The following SGCD variants were observed in gnomAD, a reference collection of about 807,000 sequenced individuals.
SGCD encodes sarcoglycan delta.
In SGCD, 18 loss-of-function variants were observed where a neutral mutation model predicts 36.6. The observed-to-expected ratio is 0.49, with a 90% CI of 0.34 to 0.73. The LOEUF is 0.73. Among genes scored for constraint, SGCD ranks in the 30% least tolerant of loss-of-function variants. The pLI, the probability that SGCD is intolerant of heterozygous loss-of-function variation, is 0.01. For synonymous variants in SGCD, 133 were observed against 130.6 expected (o/e 1.02, Z -0.12); for missense variants, 387 against 346.7 (o/e 1.12, Z -0.92).
At chr5:156,381,440 A>C (rs1770970011) in intron 3 of SGCD, among the ~76,000 whole-genome samples, 1 of 152,096 alleles carries the variant, frequency 6.6e-6, no homozygotes, top group Admixed American at 6.5e-5. Context: ...CTCGAGCTCT[A>C]CCCTGGGGAT....
chr5:155,770,254 A>G, the SGCD span, among the ~76,000 whole-genome samples: 1 of 152,048 alleles, frequency 6.6e-6, no homozygotes, highest in African/African-American at 2.4e-5. Flanking sequence ...GGAGAATAAT[A>G]GCAATGATAG....
intron 3 of SGCD, among the ~76,000 whole-genome samples, chr5:156,187,170 C>A (rs560446275): frequency 8.8e-4 from 134 of 152,088 alleles, no homozygotes; most frequent in African/African-American, 3.1e-3. Context: ...TAATCATAAA[C>A]CAAGTTAAAT....
intron 1 of SGCD, among the ~76,000 whole-genome samples, chr5:156,084,527 G>T (rs1761048233): frequency 6.6e-6 from 1 of 152,096 alleles, no homozygotes; most frequent in African/African-American, 2.4e-5. Context: ...AGTGTGGGGT[G>T]GCCTTAGAAA....
At chr5:156,533,026 C>G (rs558799874) in intron 4 of SGCD, among the ~76,000 whole-genome samples, 1 of 152,168 alleles carries the variant, frequency 6.6e-6, no homozygotes, top group African/African-American at 2.4e-5. Flanking sequence ...GAAATGCCAT[C>G]TTATCTTGGA....
At chr5:156,520,014 A>G (rs1413079766) in intron 4 of SGCD, among the ~76,000 whole-genome samples, 3 of 152,184 alleles carry the variant, frequency 2.0e-5, no homozygotes, top group African/African-American at 4.8e-5. Context: ...AGTTCTGGCC[A>G]GGGCAGTCCA....
intron 1 of SGCD, among the ~76,000 whole-genome samples, chr5:155,934,011 A>T (rs1274711110): frequency 1.3e-5 from 2 of 152,238 alleles, no homozygotes; most frequent in Non-Finnish European, 2.9e-5. Flanking sequence ...ATGTGGGAGC[A>T]TCATCTCCTA....
At chr5:155,956,829 ATCTCGAGATCCTTTACTTAGTT>A (rs1380313160) in intron 1 of SGCD, among the ~76,000 whole-genome samples, 1 of 143,676 alleles carries the variant, frequency 7.0e-6, no homozygotes, top group African/African-American at 2.5e-5. Flanking sequence ...GGATGATCTA[ATCTCGAGATCCTTTACTTAGTT>A]ATGTCTGCAA....
intron 1 of SGCD, among the ~76,000 whole-genome samples, chr5:156,017,097 G>C (rs1467083067): frequency 6.6e-6 from 1 of 152,056 alleles, no homozygotes; most frequent in Non-Finnish European, 1.5e-5. Context: ...GCCAACTAAT[G>C]GTTGGGAAAT....
the SGCD span, among the ~76,000 whole-genome samples, chr5:155,732,411 T>G: frequency 6.6e-6 from 1 of 152,224 alleles, no homozygotes; most frequent in Non-Finnish European, 1.5e-5. Flanking sequence ...CTGCTAATCC[T>G]AACACCCCAT....
intron 3 of SGCD, among the ~76,000 whole-genome samples, chr5:156,431,600 A>G (rs1166220430): frequency 6.6e-6 from 1 of 152,196 alleles, no homozygotes; most frequent in Non-Finnish European, 1.5e-5. Flanking sequence ...CTGGGACTCA[A>G]GGTCTGCTGT....
chr5:155,874,229 T>C (rs1037145135), intron 1 of SGCD, among the ~76,000 whole-genome samples: 8 of 152,080 alleles, frequency 5.3e-5, no homozygotes, highest in Non-Finnish European at 1.2e-4. Context: ...TCAGGTGATA[T>C]GAAAGAAAGG....
Position 156,060,200 on chromosome 5 carries a change from A to G in SGCD, c.-281-57678A>G, listed in dbSNP as rs768259266. Among the ~76,000 whole-genome samples the G allele has an allele frequency of 4.6e-4, 68 of 146,550 alleles. 9 individuals carry two copies. Among genetic ancestry groups the G allele is most frequent in the Admixed American group, 1.3e-3 (19 of 14,588 alleles). On this transcript the variant is annotated intron_variant, in intron 1 of 9. Transcript: ENST00000517913. ...CCTGTCCTATAAGGTGTGCAGGAGT[A>G]GATGCAATGATCAGTAAGTGTAGAG... is the stretch of plus-strand genomic sequence containing the variant.
chr5:156,439,693 C>G (rs2127794794), intron 3 of SGCD, among the ~76,000 whole-genome samples: 1 of 152,218 alleles, frequency 6.6e-6, no homozygotes. Flanking sequence ...CAATGTTACA[C>G]CAATAAGAAT....
chr5:156,708,292 A>G (rs1285901618), intron 7 of SGCD, among the ~76,000 whole-genome samples: 1 of 112,640 alleles, frequency 8.9e-6, no homozygotes, highest in Non-Finnish European at 1.9e-5. Context: ...AAAAAAAAAA[A>G]AAAGGAAATG....
chr5:156,538,989 T>C (rs146496280), intron 4 of SGCD, among the ~76,000 whole-genome samples: 1 of 152,226 alleles, frequency 6.6e-6, no homozygotes, highest in East Asian at 1.9e-4. Flanking sequence ...ACAAAAGGGA[T>C]TCAAAAATCA....
chr5:156,541,928 T>C (rs1758362633), intron 4 of SGCD, among the ~76,000 whole-genome samples: 1 of 152,188 alleles, frequency 6.6e-6, no homozygotes, highest in Non-Finnish European at 1.5e-5. Context: ...AGGGCTAAAA[T>C]AATGCCATAC....
At chr5:156,588,989 TGTG>T (rs1760608192) in intron 4 of SGCD, among the ~76,000 whole-genome samples, 1 of 49,760 alleles carries the variant, frequency 2.0e-5, no homozygotes, top group Admixed American at 2.1e-4. Context: ...GAATCTATAT[TGTG>T]TGTGTGTGTG....
the SGCD span, among the ~76,000 whole-genome samples, chr5:155,787,502 G>C: frequency 6.6e-6 from 1 of 152,084 alleles, no homozygotes; most frequent in Non-Finnish European, 1.5e-5. Flanking sequence ...AGCTTTCAAG[G>C]GAATCAGCTC....
At chr5:156,025,409 A>G (rs1276313646) in intron 1 of SGCD, among the ~76,000 whole-genome samples, 1 of 152,214 alleles carries the variant, frequency 6.6e-6, no homozygotes, top group African/African-American at 2.4e-5. Flanking sequence ...GTGAGTGAGC[A>G]CTAAAAATCC....
Sources: allele counts gnomAD v4.1 joint callset (sites outside exome capture counted in the v4.1 genomes callset), GRCh38; gene constraint gnomAD v4.1.1; transcripts MANE v1.5; gene names NCBI Gene and HGNC (gene_info 2026-07-23, HGNC 2026-07-21).